Variants in ABCG1 observed in about 807,000 individuals in gnomAD.
ABCG1 encodes ATP-binding cassette sub-family G member 1.
In ABCG1, 29 loss-of-function variants were observed where a neutral mutation model predicts 69.2. The observed-to-expected ratio is 0.42, with a 90% CI of 0.31 to 0.57. The LOEUF (loss-of-function observed/expected upper bound fraction) is 0.57. ABCG1 is among the 20% of genes least tolerant of loss of function. The pLI is 0.15. For synonymous variants in ABCG1, 370 were observed against 374.8 expected (o/e 0.99, Z 0.15); for missense variants, 718 against 898.1 (o/e 0.80, Z 2.56).
At chr21:42,241,852 C>A (rs2068056388) in intron 2 of ABCG1, among the ~76,000 whole-genome samples, 1 of 150,626 alleles carries the variant, frequency 6.6e-6, no homozygotes. Flanking sequence ...ATGGGGCATG[C>A]CTGTGGCCCC....
chr21:42,296,029 C>G lies in ABCG1; in HGVS notation c.1773-135C>G, dbSNP rs1398936420. The G allele has an allele frequency of 1.3e-5, 9 of 682,432 alleles. No individual in the cohort carries two copies. In the South Asian group the frequency reaches 1.4e-4, roughly 10 times the overall value. The allele number at this position is 682,432 out of a possible 1,614,324, so 42.3% of individuals were successfully genotyped here. On this transcript the variant is annotated intron_variant, in intron 14 of 14. Coordinates refer to ENST00000398449, the MANE Select transcript of ABCG1 (RefSeq NM_016818.3). The surrounding 1 kb of genome is among the most constrained non-coding windows in gnomAD (Gnocchi z 5.4). Reference sequence around the variant, plus strand: ...AGGTGGTGGGCGGTGAGGAAGTATTCTGGGGAAGGCGGCCCTTTGGGAAGG... The same window carrying G: ...AGGTGGTGGGCGGTGAGGAAGTATTGTGGGGAAGGCGGCCCTTTGGGAAGG...
chr21:42,285,787 G>T, intron 7 of ABCG1, 93 bp from the exon 8 acceptor site: 1 of 853,610 alleles, frequency 1.2e-6, no homozygotes, highest in Non-Finnish European at 2.0e-6. Context: ...CTGATTGATC[G>T]GTTGATTGAT....
intron 2 of ABCG1, chr21:42,259,235 G>A: frequency 6.9e-7 from 1 of 1,453,892 alleles, no homozygotes; most frequent in Non-Finnish European, 9.1e-7. Context: ...CCAAAGTTCT[G>A]GAGCAGAGTC....
chr21:42,259,016 G>A (rs1023294157), intron 2 of ABCG1, among the ~76,000 whole-genome samples: 3 of 152,230 alleles, frequency 2.0e-5, no homozygotes, highest in Non-Finnish European at 2.9e-5. Flanking sequence ...GCTTTCCCTT[G>A]TTCCTGGTGG....
At chr21:42,230,735 T>C (rs1465100275) in intron 2 of ABCG1, among the ~76,000 whole-genome samples, 1 of 152,236 alleles carries the variant, frequency 6.6e-6, no homozygotes, top group Admixed American at 6.5e-5. Flanking sequence ...ACTCGTACAC[T>C]GCCCATCCCC....
intron 13 of ABCG1, among the ~76,000 whole-genome samples, chr21:42,293,042 CCA>C (rs1345476575): frequency 4.2e-4 from 58 of 137,732 alleles, no homozygotes; most frequent in South Asian, 7.5e-4. Flanking sequence ...ACACTACACA[CCA>C]CACACACTAC....
rs565523597 is a variant in ABCG1, at chr21:42,208,765, T to C, written c.48+7042T>C. On this transcript the variant is annotated intron_variant, in intron 2 of 15. Transcript: ENST00000398457. ...TTAATTTTCCCTGCTCTAGCAATTT[T>C]CCCCTCCCTTTAAAAAGTAGTCATG... Among the ~76,000 whole-genome samples the C allele has an allele frequency of 5.9e-5, 9 of 152,360 alleles. No individual in the cohort carries two copies. The East Asian group carries it at 1.7e-3, about 29-fold the overall frequency.
chr21:42,226,697 C>T (rs934376584), intron 2 of ABCG1, among the ~76,000 whole-genome samples: 5 of 152,094 alleles, frequency 3.3e-5, no homozygotes, highest in Admixed American at 1.3e-4. Context: ...TCCAAGCACT[C>T]ATTGTCTGCT....
chr21:42,289,965 T>A, intron 10 of ABCG1, 85 bp from the exon 11 acceptor site: 1 of 1,497,920 alleles, frequency 6.7e-7, no homozygotes, highest in Non-Finnish European at 9.2e-7. Context: ...CAGGGTCCCA[T>A]GCTTCCAAAG....
At chr21:42,278,291 C>G (rs1007128440) in intron 5 of ABCG1, among the ~76,000 whole-genome samples, 2 of 152,068 alleles carry the variant, frequency 1.3e-5, no homozygotes, top group South Asian at 4.2e-4. Context: ...TAGACACCCC[C>G]CCACAACACA....
rs1177978361 is a variant in ABCG1, at chr21:42,288,183, C to T, written c.1123-28C>T. The T allele has an allele frequency of 6.2e-7, 1 of 1,612,692 alleles. No homozygotes were observed. On this transcript the variant is annotated intron_variant, in intron 9 of 14. Transcript: ENST00000398449. The surrounding 1 kb of genome is among the most constrained non-coding windows in gnomAD (Gnocchi z 4.8). ...AGCCGTGGCTCCGGACTGGCTTTCA[C>T]CCGCTCCCCTCTTGCGTGTGTCCTC...
upstream of ABCG1, among the ~76,000 whole-genome samples, chr21:42,217,679 C>CTTTTTTTTTTTTTTT (rs71190409): frequency 3.2e-5 from 2 of 61,638 alleles, no homozygotes; most frequent in African/African-American, 1.4e-4. Context: ...TGGATCTACT[C>CTTTTTTTTTTTTTTT]TTTTTTTTTT....
intron 3 of ABCG1, among the ~76,000 whole-genome samples, chr21:42,272,450 G>A (rs2068632970): frequency 6.6e-6 from 1 of 152,240 alleles, no homozygotes; most frequent in Admixed American, 6.5e-5. Flanking sequence ...CCGGCCGCAG[G>A]CCCACAGTCA....
At position 42,219,742 on chromosome 21, in the gene ABCG1, G is replaced by A. The variant is rs2067690727; in HGVS notation, c.42+438G>A. ...GCGCGCGGCTGTGGGCTTGGGGACCGGGGACTTCTCGCGCCATCCCCAGGA... is the reference window on the plus strand; with the variant it reads ...GCGCGCGGCTGTGGGCTTGGGGACCAGGGACTTCTCGCGCCATCCCCAGGA... On this transcript the variant is annotated intron_variant, in intron 1 of 14. Coordinates refer to ENST00000398449, the MANE Select transcript of ABCG1 (RefSeq NM_016818.3). This position sits in a 1 kb window ranked among gnomAD's most constrained non-coding sequence, Gnocchi z 5.3. 3 of 1,282,744 alleles carry A rather than the reference G, an allele frequency of 2.3e-6. No homozygotes were observed. The highest frequency in any genetic ancestry group is 3.1e-6 in the Non-Finnish European group (3 of 973,956). 79.5% of individuals were successfully genotyped at this position (1,282,744 alleles called of 1,614,324 possible).
intron 2 of ABCG1, among the ~76,000 whole-genome samples, chr21:42,243,324 A>G (rs887137836): frequency 9.9e-5 from 15 of 152,154 alleles, no homozygotes; most frequent in Admixed American, 6.5e-4. Context: ...GGACTGCTGC[A>G]CGCCAGGGAA....
chr21:42,277,073 T>C (rs2068724849), intron 5 of ABCG1, 128 bp downstream of exon 5: 2 of 991,788 alleles, frequency 2.0e-6, no homozygotes, highest in Admixed American at 3.9e-5. Context: ...GCCTTCCGTG[T>C]GTGGGACAGG....
At chr21:42,277,183 GAATGT>G (rs2068726616) in intron 5 of ABCG1, among the ~76,000 whole-genome samples, 1 of 152,208 alleles carries the variant, frequency 6.6e-6, no homozygotes, top group African/African-American at 2.4e-5. Flanking sequence ...TCAGGAGTCG[GAATGT>G]AATGTGAGGG....
Position 42,285,982 on chromosome 21 carries a change from C to T in ABCG1, c.961C>T (p.Pro321Ser). The change falls in exon 8 of 15, where the codon CCA (proline) becomes TCA (serine). Residue 321 changes from proline to serine, a missense_variant. Transcript: ENST00000398449. ...LGLNCPTYHN[P>S]ADFVMEVASG... is the part of the protein sequence containing the mutation. ...TCTGAACTGCCCAACCTACCACAAC[C>T]CAGCAGATTTTGGTAAGCGGAGTCC... The T allele has an allele frequency of 6.2e-7, 1 of 1,613,104 alleles. No homozygotes were observed. Among genetic ancestry groups the T allele is most frequent in the African/African-American group, 1.3e-5 (1 of 74,990 alleles).
At chr21:42,284,451 C>T (rs1042456431) in intron 6 of ABCG1, 109 bp from the exon 7 acceptor site, 124 of 1,354,124 alleles carry the variant, frequency 9.2e-5, no homozygotes, top group Non-Finnish European at 1.2e-4. Flanking sequence ...GCAGCTGCAG[C>T]CCCTGATGCC....
Sources: gnomAD v4.1 joint callset for allele counts (sites outside exome capture counted in the v4.1 genomes callset) on GRCh38, gnomAD v4.1.1 for gene constraint, Gnocchi (gnomAD v3.1) non-coding constraint, MANE v1.5 for transcripts, NCBI Gene and HGNC (gene_info 2026-07-23, HGNC 2026-07-21) for gene names.